The following TSHZ2 variants were observed in gnomAD, a reference collection of about 807,000 sequenced individuals.
TSHZ2 encodes teashirt zinc finger homeobox 2.
TSHZ2 carries 21 observed loss-of-function variants against 74.4 expected under a neutral mutation model. The ratio of observed to expected loss-of-function variants is 0.28; its 90% CI spans 0.20 to 0.41. TSHZ2 has a LOEUF of 0.41. Among genes scored for constraint, TSHZ2 ranks in the 10% least tolerant of loss-of-function variants. TSHZ2 has a pLI of 1.00. For synonymous variants in TSHZ2, 540 were observed against 515.3 expected, an observed-to-expected ratio of 1.05 and a Z score of -0.65; for missense variants, 1,244 against 1,293.5, an observed-to-expected ratio of 0.96 and a Z score of 0.59.
intron 2 of TSHZ2, among the ~76,000 whole-genome samples, chr20:53,406,577 T>C (rs547955697): frequency 1.3e-5 from 2 of 152,250 alleles, no homozygotes; most frequent in South Asian, 4.1e-4. Flanking sequence ...AACAGGCATG[T>C]GGCAGCTTGC....
At chr20:53,290,048 T>C (rs1467036714) in intron 2 of TSHZ2, among the ~76,000 whole-genome samples, 1 of 152,212 alleles carries the variant, frequency 6.6e-6, no homozygotes, top group Non-Finnish European at 1.5e-5. Flanking sequence ...ATATTTAAAA[T>C]CAGAGAAATT....
chr20:53,282,441 G>C (rs976830040), intron 2 of TSHZ2, among the ~76,000 whole-genome samples: 14 of 152,194 alleles, frequency 9.2e-5, no homozygotes, highest in Admixed American at 9.2e-4. Flanking sequence ...ATTGTGTCAA[G>C]AGCTTTTCTA....
intron 2 of TSHZ2, among the ~76,000 whole-genome samples, chr20:53,421,879 C>T (rs1274397210): frequency 6.6e-6 from 1 of 151,806 alleles, no homozygotes; most frequent in Non-Finnish European, 1.5e-5. Context: ...GACAGGGTTT[C>T]ACCATGTTAG....
intron 2 of TSHZ2, among the ~76,000 whole-genome samples, chr20:53,266,341 G>T (rs1990716228): frequency 6.6e-6 from 1 of 152,264 alleles, no homozygotes; most frequent in South Asian, 2.1e-4. Context: ...GAAAGTATTT[G>T]TGCGCTCTGC....
intron 2 of TSHZ2, among the ~76,000 whole-genome samples, chr20:53,292,760 T>C (rs1455243264): frequency 6.6e-6 from 1 of 152,120 alleles, no homozygotes; most frequent in East Asian, 1.9e-4. Context: ...CTGTTGAGAG[T>C]TTGCTCACTG....
intron 2 of TSHZ2, among the ~76,000 whole-genome samples, chr20:53,419,905 A>T (rs1413425637): frequency 6.6e-6 from 1 of 152,226 alleles, no homozygotes; most frequent in Non-Finnish European, 1.5e-5. Context: ...ATCTCCTAAT[A>T]CGTCCTGCTG....
intron 1 of TSHZ2, among the ~76,000 whole-genome samples, chr20:53,077,732 T>C (rs77466359): frequency 0.01 from 1,556 of 152,322 alleles, 23 homozygotes; most frequent in South Asian, 0.026. Context: ...CCAGTCAGTG[T>C]GGCAATTAAT....
intron 1 of TSHZ2, among the ~76,000 whole-genome samples, chr20:53,015,002 T>G (rs1465633241): frequency 1.3e-5 from 2 of 152,196 alleles, no homozygotes; most frequent in South Asian, 2.1e-4. Flanking sequence ...ACCTCTCCAG[T>G]GTGGAATAGC....
intron 2 of TSHZ2, among the ~76,000 whole-genome samples, chr20:53,480,320 C>T (rs1279973311): frequency 4.6e-5 from 7 of 151,916 alleles, no homozygotes; most frequent in South Asian, 2.1e-4. Context: ...CCACCTGCCT[C>T]AGCCTCCCAA....
chr20:53,420,129 G>A (rs959404206), intron 2 of TSHZ2, among the ~76,000 whole-genome samples: 1 of 152,218 alleles, frequency 6.6e-6, no homozygotes, highest in East Asian at 1.9e-4. Context: ...TGGAAGGAAA[G>A]AGTCCAGAAA....
At chr20:53,393,378 G>A (rs541731682) in intron 2 of TSHZ2, among the ~76,000 whole-genome samples, 1 of 152,320 alleles carries the variant, frequency 6.6e-6, no homozygotes, top group South Asian at 2.1e-4. Context: ...TAGCTTTGCA[G>A]TTCTCTGGCT....
intron 1 of TSHZ2, among the ~76,000 whole-genome samples, chr20:53,059,406 A>C (rs1984748710): frequency 1.3e-5 from 2 of 152,204 alleles, no homozygotes; most frequent in Admixed American, 6.5e-5. Context: ...GGAAATGAAA[A>C]ACTTAAACAA....
At chr20:53,127,975 C>G (rs1454419239) in intron 1 of TSHZ2, among the ~76,000 whole-genome samples, 2 of 151,958 alleles carry the variant, frequency 1.3e-5, no homozygotes, top group South Asian at 4.2e-4. Context: ...AAGTCTCTGT[C>G]TTTTGATTTG....
At chr20:53,348,150 A>G (rs1600823292) in intron 2 of TSHZ2, among the ~76,000 whole-genome samples, 1 of 152,238 alleles carries the variant, frequency 6.6e-6, no homozygotes, top group Admixed American at 6.5e-5. Context: ...TCCTAGGCAT[A>G]CATACAAAAA....
chr20:53,313,688 A>G (rs1270289384), intron 2 of TSHZ2, among the ~76,000 whole-genome samples: 1 of 152,192 alleles, frequency 6.6e-6, no homozygotes, highest in Admixed American at 6.5e-5. Context: ...CCCATTTTTA[A>G]TACATTCTTG....
rs190323226 is a variant in TSHZ2 at position 53,136,239 on chromosome 20, T to C, written c.41-117260T>C. Among the ~76,000 whole-genome samples the C allele has an allele frequency of 1.8e-3, 280 of 152,344 alleles. 1 individual carries two copies. The highest frequency in any genetic ancestry group is 6.6e-3 in the African/African-American group (273 of 41,572). On this transcript the variant is annotated intron_variant, in intron 1 of 2. Coordinates refer to ENST00000371497, the MANE Select transcript of TSHZ2 (RefSeq NM_173485.6). The stretch of plus-strand genomic sequence containing the variant: ...ATTCATTCATTAACCCTTTAATGCA[T>C]GAATGGATTCATCACCTCTTCAACG...
chr20:53,227,830 G>T (rs919833804), intron 1 of TSHZ2, among the ~76,000 whole-genome samples: 9 of 151,840 alleles, frequency 5.9e-5, no homozygotes, highest in African/African-American at 2.2e-4. Flanking sequence ...GACTTCAAAG[G>T]GAGTGAGGCT....
intron 2 of TSHZ2, among the ~76,000 whole-genome samples, chr20:53,358,303 GA>G (rs58636181): frequency 2.8e-4 from 28 of 100,562 alleles, no homozygotes; most frequent in Admixed American, 1.1e-3. Flanking sequence ...AGACCAGGCA[GA>G]AAAAAAAAAA....
chr20:53,242,653 T>C (rs1004180032), intron 1 of TSHZ2, among the ~76,000 whole-genome samples: 4 of 146,252 alleles, frequency 2.7e-5, no homozygotes, highest in Admixed American at 6.8e-5. Context: ...TTTAAACCCA[T>C]GTGCACACTT....
Sources: allele counts gnomAD v4.1 joint callset (sites outside exome capture counted in the v4.1 genomes callset), GRCh38; gene constraint gnomAD v4.1.1; transcripts MANE v1.5; gene names NCBI Gene and HGNC (gene_info 2026-07-23, HGNC 2026-07-21).